Variants in ATR observed in about 807,000 individuals in gnomAD.
ATR encodes serine/threonine-protein kinase ATR.
Under a neutral mutation model 305.3 loss-of-function variants are expected in ATR, and 142 were observed. The observed-to-expected ratio is 0.47, with a 90% CI of 0.41 to 0.53. The LOEUF (loss-of-function observed/expected upper bound fraction) is 0.53. Ranked by LOEUF, ATR falls within the 20% of genes least tolerant of loss-of-function variation. The pLI is 0.00. For missense variants in ATR, 2,135 were observed against 3,133.1 expected (o/e 0.68, Z 7.60); for synonymous variants, 1,050 against 1,068.1 (o/e 0.98, Z 0.33).
intron 2 of ATR, among the ~76,000 whole-genome samples, chr3:142,566,748 T>TC (rs1356959379): frequency 6.6e-6 from 1 of 151,364 alleles, no homozygotes; most frequent in African/African-American, 2.4e-5. Flanking sequence ...AACACTACAG[T>TC]CTTTTTTTTT....
chr3:142,469,314 A>G (rs769934646), intron 38 of ATR, 23 bp downstream of exon 38: 7 of 1,569,410 alleles, frequency 4.5e-6, no homozygotes, highest in Middle Eastern at 1.9e-4. Flanking sequence ...CTTTTCATAT[A>G]AAAAGGTAAA....
chr3:142,452,131 T>C (rs2070805794), intron 46 of ATR: 1 of 1,019,230 alleles, frequency 9.8e-7, no homozygotes, highest in Non-Finnish European at 1.2e-6. Context: ...ACCTTCTTTC[T>C]CAAGACAAAG....
At chr3:142,574,458 C>CAAAAAA (rs59441794) in intron 1 of ATR, among the ~76,000 whole-genome samples, 6 of 114,568 alleles carry the variant, frequency 5.2e-5, no homozygotes, top group South Asian at 3.0e-4. Context: ...GAGCCAGTCT[C>CAAAAAA]AAAAAAAAAA....
At chr3:142,481,874 G>A (rs2030517958) in intron 36 of ATR, among the ~76,000 whole-genome samples, 1 of 151,920 alleles carries the variant, frequency 6.6e-6, no homozygotes, top group African/African-American at 2.4e-5. Context: ...CCAGGCAGGA[G>A]TGCAGTGGCA....
chr3:142,521,034 ATACATCC>A (rs2033128039), intron 23 of ATR, among the ~76,000 whole-genome samples: 1 of 152,240 alleles, frequency 6.6e-6, no homozygotes. Flanking sequence ...TGACGATTCC[ATACATCC>A]TAGGGCTGTT....
At chr3:142,487,426 C>T (rs116139058) in intron 35 of ATR, among the ~76,000 whole-genome samples, 32 of 152,306 alleles carry the variant, frequency 2.1e-4, no homozygotes, top group Non-Finnish European at 3.5e-4. Flanking sequence ...CATGAGCCAC[C>T]ATGCCCAGCC....
intron 1 of ATR, among the ~76,000 whole-genome samples, chr3:142,574,367 T>G (rs1167768889): frequency 6.9e-6 from 1 of 145,542 alleles, no homozygotes; most frequent in African/African-American, 2.5e-5. Flanking sequence ...GAGGCTGAGG[T>G]GGGAGGATCG....
rs2032176310 is a variant in ATR, at chr3:142,505,244, C to T, written c.5091G>A (p.Lys1697=). 1.2e-6 allele frequency: 2 copies of T among 1,614,030 alleles called. No individual in the cohort carries two copies. Among genetic ancestry groups the T allele is most frequent in the Non-Finnish European group, 1.7e-6 (2 of 1,179,982 alleles). Residue 1697 remains lysine, a synonymous_variant, in exon 29 of 47, where the codon AAG becomes AAA. Coordinates refer to ENST00000350721, the MANE Select transcript of ATR (RefSeq NM_001184.4). The part of the protein sequence containing the change: ...DGVAGVSAIR[K]AEPSLKEQIL... ...TCTGTTCTTTTAGAGATGGTTCTGCCTTTCTAATTGCACTGACTCCGGCCA... is the reference window on the plus strand; with the variant it reads ...TCTGTTCTTTTAGAGATGGTTCTGCTTTTCTAATTGCACTGACTCCGGCCA...
chr3:142,529,167 A>G (rs954070580), intron 21 of ATR, among the ~76,000 whole-genome samples: 2 of 151,764 alleles, frequency 1.3e-5, no homozygotes, highest in African/African-American at 2.4e-5. Flanking sequence ...GGCGTGAGCT[A>G]CCGTGCCCAG....
At chr3:142,492,866 T>A (rs887267957) in intron 35 of ATR, among the ~76,000 whole-genome samples, 1 of 152,144 alleles carries the variant, frequency 6.6e-6, no homozygotes, top group Admixed American at 6.5e-5. Flanking sequence ...CAGGCTAGGA[T>A]GTAGTTAACT....
chr3:142,485,049 C>T (rs1422404786), intron 36 of ATR, 91 bp downstream of exon 36: 1 of 1,561,212 alleles, frequency 6.4e-7, no homozygotes, highest in Non-Finnish European at 8.8e-7. Context: ...CCAGAAAATA[C>T]CTAGAATATG....
In ATR at chr3:142,542,698, C is replaced by T. The variant is rs2034097522; in HGVS notation, c.3417G>A (p.Leu1139=). 1 of 1,613,354 alleles carries T rather than the reference C, an allele frequency of 6.2e-7. No individual in the cohort carries two copies. The highest frequency in any genetic ancestry group is 8.5e-7 in the Non-Finnish European group (1 of 1,179,654). The change falls in exon 17 of 47, where the codon CTG becomes CTA. Residue 1139 remains leucine, a synonymous_variant. Coordinates refer to ENST00000350721, the MANE Select transcript of ATR (RefSeq NM_001184.4). ...GILAFFNMQL[L]SSSVGIEDKK... ...TATCTTCAATGCCAACACTAGAGCT[C>T]AGTAACTGCATGTTAAAAAAAGCCA...
intron 29 of ATR, 40 bp downstream of exon 29, chr3:142,505,099 G>C (rs1437553304): frequency 1.9e-6 from 3 of 1,608,224 alleles, no homozygotes; most frequent in Non-Finnish European, 2.6e-6. Flanking sequence ...TCCTATTCAG[G>C]GCTATTTTCA....
chr3:142,541,027 T>C lies in ATR; in HGVS notation c.3458A>G (p.Asn1153Ser), dbSNP rs563040643. 1.3e-5 allele frequency: 21 copies of C among 1,613,592 alleles called. No individual in the cohort carries two copies. The East Asian group carries it at 3.6e-4, about 27-fold the overall frequency. The change falls in exon 18 of 47, where the codon AAC becomes AGC. Residue 1153 changes from asparagine (N) to serine (S), a missense_variant. Transcript: ENST00000350721. Reference sequence around the variant, plus strand: ...TAACTTCATCAAAGACATCAAACTGTTCAAGGCCTATAGAGTTAAGTAGTG... The same window carrying C: ...TAACTTCATCAAAGACATCAAACTGCTCAAGGCCTATAGAGTTAAGTAGTG... Reference protein sequence around the residue: ...VGIEDKKMALNSLMSLMKLMG... With the variant: ...VGIEDKKMALSSLMSLMKLMG...
In ATR at chr3:142,457,435, T is replaced by G. The variant is rs74775064; in HGVS notation, c.7655+169A>C. On this transcript the variant is annotated intron_variant, in intron 45 of 46. Coordinates refer to ENST00000350721, the MANE Select transcript of ATR (RefSeq NM_001184.4). ...ACTAAAAACCACTGAATTATGTACTTTTAAAGGGGTGAATTTATGGTATAT... is the reference window on the plus strand; with the variant it reads ...ACTAAAAACCACTGAATTATGTACTGTTAAAGGGGTGAATTTATGGTATAT... 0.039 allele frequency among the ~76,000 whole-genome samples: 5,992 copies of G among 152,240 alleles called. 390 individuals are homozygous for G. Among genetic ancestry groups the G allele is most frequent in the African/African-American group, 0.14 (5,701 of 41,514 alleles).
Position 142,459,062 on chromosome 3 carries a change from C to T in ATR, c.7399G>A (p.Val2467Ile), listed in dbSNP as rs144887641. The change falls in exon 44 of 47, where the codon GTT becomes ATT. Residue 2467 changes from valine to isoleucine, a missense_variant. Val to Ile is a conservative substitution (Grantham distance 29). Coordinates refer to ENST00000350721, the MANE Select transcript of ATR (RefSeq NM_001184.4). The stretch of plus-strand genomic sequence containing the variant: ...TCTCCAAGCCCCAGAATATAACCAA[C>T]CATTGACATTACTGCAGTGGAACGG... ...YCRSTAVMSMVGYILGLGDRH... is the reference protein window; with the variant it reads ...YCRSTAVMSMIGYILGLGDRH... 9.3e-6 allele frequency: 15 copies of T among 1,614,012 alleles called. No individual in the cohort carries two copies. Among genetic ancestry groups the T allele is most frequent in the Non-Finnish European group, 1.3e-5 (15 of 1,179,912 alleles).
chr3:142,564,402 G>A (rs1293760726), intron 3 of ATR, among the ~76,000 whole-genome samples: 1 of 152,110 alleles, frequency 6.6e-6, no homozygotes, highest in Non-Finnish European at 1.5e-5. Context: ...CATGTATAAG[G>A]AGAATAATGC....
intron 1 of ATR, among the ~76,000 whole-genome samples, chr3:142,573,317 G>A (rs189324014): frequency 6.6e-6 from 1 of 151,952 alleles, no homozygotes; most frequent in Admixed American, 6.6e-5. Context: ...CGTGGTGGTG[G>A]GCGCCTATAA....
intron 30 of ATR, among the ~76,000 whole-genome samples, chr3:142,500,847 G>T (rs2031920196): frequency 6.6e-6 from 1 of 152,018 alleles, no homozygotes; most frequent in Non-Finnish European, 1.5e-5. Context: ...AAAATTTCAG[G>T]ATAAAAATCT....
Sources: allele counts gnomAD v4.1 joint callset (sites outside exome capture counted in the v4.1 genomes callset), GRCh38; gene constraint gnomAD v4.1.1; transcripts MANE v1.5; gene names NCBI Gene and HGNC (gene_info 2026-07-23, HGNC 2026-07-21).